Variants in DMRTC2 observed in about 807,000 individuals in gnomAD.
DMRTC2 encodes DMRT like family C2.
In DMRTC2, 13 loss-of-function variants were observed where a neutral mutation model predicts 39.9. The ratio of observed to expected loss-of-function variants is 0.33; its 90% CI spans 0.21 to 0.52. The LOEUF (loss-of-function observed/expected upper bound fraction) is 0.52. Among genes scored for constraint, DMRTC2 ranks in the 20% least tolerant of loss-of-function variants. The probability of loss-of-function intolerance (pLI) is 0.96; values close to 1 mark genes in which losing one functional copy is unlikely to be tolerated. For missense variants in DMRTC2, 431 were observed against 472.8 expected (o/e 0.91, Z 0.82); for synonymous variants, 189 against 185.2 (o/e 1.02, Z -0.17).
Position 41,848,512 on chromosome 19 carries a change from C to T in DMRTC2, c.431C>T (p.Pro144Leu), listed in dbSNP as rs781891125. 7.8e-5 allele frequency: 124 copies of T among 1,597,102 alleles called. No individual in the cohort carries two copies. Among genetic ancestry groups the T allele is most frequent in the Non-Finnish European group, 1.0e-4 (119 of 1,172,072 alleles). Residue 144 changes from proline to leucine, a missense_variant, in exon 4 of 9, where the codon CCG (proline) becomes CTG (leucine). Pro to Leu is a moderately conservative substitution (Grantham distance 98, BLOSUM62 -3). Coordinates refer to ENST00000269945, the MANE Select transcript of DMRTC2 (RefSeq NM_001040283.3). ...CCCCATGGGGCAGTCCTGCTGGCAC[C>T]GACACCCCCCGGGAAGGTAAGGAGA... The part of the protein sequence containing the change: ...QTPHGAVLLA[P>L]TPPGKNSCGP...
intron 6 of DMRTC2, 39 bp from the exon 7 acceptor site, chr19:41,850,273 C>A: frequency 6.9e-7 from 1 of 1,458,070 alleles, no homozygotes; most frequent in Non-Finnish European, 9.1e-7. Flanking sequence ...GTCTGTTCAT[C>A]TGTTTAACCA....
intron 1 of DMRTC2, chr19:41,845,421 A>G (rs2073810736): frequency 6.6e-6 from 1 of 152,338 alleles, no homozygotes; most frequent in South Asian, 2.1e-4. Context: ...CAAGAGAGAC[A>G]TTAGTGCCCC....
In DMRTC2 at chr19:41,851,612, T is replaced by C. The variant is rs1038151383; in HGVS notation, c.1020T>C (p.Pro340=). 6.2e-6 allele frequency: 10 copies of C among 1,614,084 alleles called. No homozygotes were observed. The highest frequency in any genetic ancestry group is 1.7e-5 in the Admixed American group (1 of 60,008). The change falls in exon 9 of 9, where the codon CCT becomes CCC. Residue 340 remains proline, a synonymous_variant. Coordinates refer to ENST00000269945, the MANE Select transcript of DMRTC2 (RefSeq NM_001040283.3). ...PAPAGGRGFQ[P]VGPCLRPSPA... is the part of the protein sequence containing the mutation. Reference sequence around the variant, plus strand: ...CTGCTGGAGGAAGAGGATTCCAGCCTGTTGGCCCCTGTCTTCGACCCAGCC... The same window carrying C: ...CTGCTGGAGGAAGAGGATTCCAGCCCGTTGGCCCCTGTCTTCGACCCAGCC...
chr19:41,848,518 C>T lies in DMRTC2; in HGVS notation c.437C>T (p.Pro146Leu). The T allele has an allele frequency of 6.3e-7, 1 of 1,595,056 alleles. No individual in the cohort carries two copies. The highest frequency in any genetic ancestry group is 2.3e-5 in the East Asian group (1 of 43,478). The change falls in exon 4 of 9, where the codon CCC (proline) becomes CTC (leucine). Residue 146 changes from proline (P) to leucine (L), a missense_variant. Coordinates refer to ENST00000269945, the MANE Select transcript of DMRTC2 (RefSeq NM_001040283.3). ...PHGAVLLAPT[P>L]PGKNSCGPLL... ...GGGGCAGTCCTGCTGGCACCGACAC[C>T]CCCCGGGAAGGTAAGGAGAGGCTGG...
In DMRTC2 at chr19:41,851,563, C is replaced by T. The variant is rs371733102; in HGVS notation, c.992-21C>T. The T allele has an allele frequency of 3.5e-5, 56 of 1,605,700 alleles. No homozygotes were observed. In the African/African-American group the frequency reaches 6.9e-4, roughly 20 times the overall value. ...GAAAAACAGGTGTGACCTGATCCTG[C>T]CCCTTCCTTCTTGCCTGTAGCTCCT... On this transcript the variant is annotated intron_variant, in intron 8 of 8. Coordinates refer to ENST00000269945, the MANE Select transcript of DMRTC2 (RefSeq NM_001040283.3).
At position 41,849,138 on chromosome 19, in the gene DMRTC2, C is replaced by T; in HGVS notation, c.637C>T (p.Pro213Ser). 1 of 1,614,154 alleles carries T rather than the reference C, an allele frequency of 6.2e-7. No homozygotes were observed. The highest frequency in any genetic ancestry group is 8.5e-7 in the Non-Finnish European group (1 of 1,180,024). ...TCTTTTATTCTTATTAGGCTTTGAC[C>T]CTGGCACCTCCCTCCAGCTGCCCAC... is the stretch of plus-strand genomic sequence containing the variant. ...VSLPPFPGFD[P>S]GTSLQLPTHG... The change falls in exon 6 of 9, where the codon CCT becomes TCT. Residue 213 changes from proline (P) to serine (S), a missense_variant. By Grantham distance (74) the Pro-to-Ser change is moderately conservative. Coordinates refer to ENST00000269945, the MANE Select transcript of DMRTC2 (RefSeq NM_001040283.3).
At chr19:41,847,373 T>G in intron 1 of DMRTC2, 52 bp from the exon 2 acceptor site, 1 of 1,497,898 alleles carries the variant, frequency 6.7e-7, no homozygotes, top group Non-Finnish European at 8.9e-7. Context: ...GGCAGGAGGG[T>G]TGTTAGGGGC....
Position 41,851,960 on chromosome 19 carries a change from A to G in DMRTC2, c.*264A>G, listed in dbSNP as rs1228659667. 3 of 483,240 alleles carry G rather than the reference A, an allele frequency of 6.2e-6. No individual in the cohort carries two copies. The highest frequency in any genetic ancestry group is 3.9e-5 in the African/African-American group (2 of 51,304). The allele number at this position is 483,240 out of a possible 1,614,324, so 29.9% of individuals were successfully genotyped here. On this transcript the variant is annotated 3_prime_UTR_variant, in exon 9 of 9. Coordinates refer to ENST00000269945, the MANE Select transcript of DMRTC2 (RefSeq NM_001040283.3). Reference sequence around the variant, plus strand: ...GTCCTGGGATCTCTTGAAATCCCCAATAAAGAGAGAGTTGTGCTATTTAAG... The same window carrying G: ...GTCCTGGGATCTCTTGAAATCCCCAGTAAAGAGAGAGTTGTGCTATTTAAG...
In DMRTC2 at chr19:41,851,641, C is replaced by G. The variant is rs144913630; in HGVS notation, c.1049C>G (p.Ala350Gly). 6.2e-7 allele frequency: 1 copy of G among 1,614,190 alleles called. No homozygotes were observed. The highest frequency in any genetic ancestry group is 2.2e-5 in the East Asian group (1 of 44,888). ...PVGPCLRPSP[A>G]PSVALHIGRL... is the part of the protein sequence containing the mutation. ...GGCCCCTGTCTTCGACCCAGCCCAG[C>G]CCCCTCTGTTGCTCTGCATATTGGC... Residue 350 changes from alanine to glycine, a missense_variant, in exon 9 of 9, where the codon GCC (alanine) becomes GGC (glycine). Transcript: ENST00000269945.
chr19:41,849,619 G>A (rs2073925347), intron 6 of DMRTC2, among the ~76,000 whole-genome samples: 1 of 152,212 alleles, frequency 6.6e-6, no homozygotes, highest in South Asian at 2.1e-4. Context: ...CAGAGATGAT[G>A]AGAGCCTCAG....
In DMRTC2 at chr19:41,851,686, T is replaced by G. The variant is rs782418801; in HGVS notation, c.1094T>G (p.Leu365Arg). The part of the protein sequence containing the change: ...LHIGRLGSIS[L>R]LS ...ATTGGCCGTCTGGGGTCCATCTCCC[T>G]CCTGAGCTAGAAACCCAGAGATGGA... The change falls in exon 9 of 9, where the codon CTC becomes CGC. Residue 365 changes from leucine to arginine, a missense_variant. Coordinates refer to ENST00000269945, the MANE Select transcript of DMRTC2 (RefSeq NM_001040283.3). 3 of 1,614,026 alleles carry G rather than the reference T, an allele frequency of 1.9e-6. No individual in the cohort carries two copies. Among genetic ancestry groups the G allele is most frequent in the Non-Finnish European group, 2.5e-6 (3 of 1,179,998 alleles).
At chr19:41,850,148 G>A (rs782258633) in intron 6 of DMRTC2, 164 bp from the exon 7 acceptor site, 85 of 545,188 alleles carry the variant, frequency 1.6e-4, no homozygotes, top group Admixed American at 1.9e-4. Flanking sequence ...AACTGGCAAG[G>A]ATTTTTACTT....
chr19:41,850,856 G>T, intron 8 of DMRTC2, 156 bp downstream of exon 8: 1 of 721,614 alleles, frequency 1.4e-6, no homozygotes, highest in Non-Finnish European at 2.1e-6. Flanking sequence ...GATTGCAGTT[G>T]AGAGTTATTC....
chr19:41,849,218 T>C lies in DMRTC2; in HGVS notation c.717T>C (p.Leu239=). The C allele has an allele frequency of 1.2e-6, 2 of 1,614,124 alleles. No individual in the cohort carries two copies. The highest frequency in any genetic ancestry group is 1.7e-6 in the Non-Finnish European group (2 of 1,180,008). Reference sequence around the variant, plus strand: ...CTCACCCAGTACTGACAGCTCCTCTTTCTGGAGAGCCCCAAGGGCCCCCTA... The same window carrying C: ...CTCACCCAGTACTGACAGCTCCTCTCTCTGGAGAGCCCCAAGGGCCCCCTA... ...PGSHPVLTAP[L]SGEPQGPPSQ... is the part of the protein sequence containing the mutation. The change falls in exon 6 of 9, where the codon CTT becomes CTC. Residue 239 remains leucine, a synonymous_variant. Transcript: ENST00000269945.
chr19:41,851,624 T>A lies in DMRTC2; in HGVS notation c.1032T>A (p.Cys344Ter), dbSNP rs1555837389. 1.2e-6 allele frequency: 2 copies of A among 1,614,172 alleles called. No homozygotes were observed. The highest frequency in any genetic ancestry group is 1.7e-5 in the Admixed American group (1 of 60,018). ...GAGGATTCCAGCCTGTTGGCCCCTG[T>A]CTTCGACCCAGCCCAGCCCCCTCTG... ...GGRGFQPVGPCLRPSPAPSVA... is the reference protein window; with the variant it reads ...GGRGFQPVGP The change falls in exon 9 of 9, where the codon TGT (cysteine) becomes TGA (stop). Residue 344 changes from cysteine to a stop codon, truncating the protein, a stop_gained. Transcript: ENST00000269945. LOFTEE classifies it high-confidence loss of function.
intron 1 of DMRTC2, among the ~76,000 whole-genome samples, chr19:41,845,861 G>A (rs2073826812): frequency 6.6e-6 from 1 of 152,100 alleles, no homozygotes; most frequent in African/African-American, 2.4e-5. Flanking sequence ...AAGTGGGACA[G>A]GGGAGCCAAG....
Position 41,847,802 on chromosome 19 carries a change from G to A in DMRTC2, c.291G>A (p.Lys97=). ...LRRQQEAQLK[K]HLMRRGEASP... ...GGCAGCAGGAGGCGCAGCTAAAGAA[G>A]CACCTGATGAGGAGAGGGGAAGCCT... The change falls in exon 3 of 9, where the codon AAG becomes AAA. Residue 97 remains lysine, a synonymous_variant. Transcript: ENST00000269945. 8 of 1,609,514 alleles carry A rather than the reference G, an allele frequency of 5.0e-6. No individual in the cohort carries two copies. Among genetic ancestry groups the A allele is most frequent in the Non-Finnish European group, 6.8e-6 (8 of 1,178,026 alleles).
intron 8 of DMRTC2, chr19:41,850,995 T>C (rs2073947782): frequency 3.0e-6 from 1 of 334,176 alleles, no homozygotes; most frequent in Non-Finnish European, 5.4e-6. Flanking sequence ...CCCAATGCTC[T>C]GTCTCTGGAC....
At chr19:41,847,384 A>C in intron 1 of DMRTC2, 41 bp from the exon 2 acceptor site, 4 of 1,511,746 alleles carry the variant, frequency 2.6e-6, no homozygotes, top group Non-Finnish European at 3.5e-6. Flanking sequence ...TGTTAGGGGC[A>C]GGCCCACCTG....
Sources: allele counts gnomAD v4.1 joint callset (sites outside exome capture counted in the v4.1 genomes callset), GRCh38; gene constraint gnomAD v4.1.1; transcripts MANE v1.5; gene names NCBI Gene and HGNC (gene_info 2026-07-23, HGNC 2026-07-21).